CLASP1: variants seen among roughly 807,000 people sequenced by gnomAD.
The protein encoded by CLASP1 is cytoplasmic linker associated protein 1.
In CLASP1, 38 loss-of-function variants were observed where a neutral mutation model predicts 192.3. That is an observed-to-expected ratio of 0.20 (90% CI 0.15 to 0.26). The LOEUF is 0.26. Among genes scored for constraint, CLASP1 ranks in the 10% least tolerant of loss-of-function variants. The pLI is 1.00. For missense variants in CLASP1, 1,433 were observed against 1,932.5 expected, an observed-to-expected ratio of 0.74 and a Z score of 4.85; for synonymous variants, 691 against 712.8, an observed-to-expected ratio of 0.97 and a Z score of 0.49.
At chr2:121,349,933 T>C (rs1165751569) in intron 37 of CLASP1, among the ~76,000 whole-genome samples, 5 of 152,188 alleles carry the variant, frequency 3.3e-5, no homozygotes, top group East Asian at 1.9e-4. Context: ...TAAAACTCCA[T>C]GTCCTCATCT....
chr2:121,468,923 G>C (rs747894629), intron 9 of CLASP1, among the ~76,000 whole-genome samples: 6 of 152,110 alleles, frequency 3.9e-5, no homozygotes, highest in Non-Finnish European at 8.8e-5. Flanking sequence ...TGAAGGAAAA[G>C]GGGTACTCCG....
intron 1 of CLASP1, among the ~76,000 whole-genome samples, chr2:121,643,075 C>T (rs1001677427): frequency 2.0e-5 from 3 of 151,794 alleles, no homozygotes; most frequent in African/African-American, 7.3e-5. Flanking sequence ...ACACTGACCT[C>T]AGCTATCCTG....
chr2:121,389,346 A>T (rs2073927620), intron 30 of CLASP1, among the ~76,000 whole-genome samples: 1 of 152,028 alleles, frequency 6.6e-6, no homozygotes, highest in South Asian at 2.1e-4. Flanking sequence ...GAAACATTTT[A>T]AACAAATTAT....
At chr2:121,518,388 G>A (rs1274072584) in intron 6 of CLASP1, among the ~76,000 whole-genome samples, 2 of 151,994 alleles carry the variant, frequency 1.3e-5, no homozygotes, top group Non-Finnish European at 2.9e-5. Flanking sequence ...TGAGATGGCA[G>A]CCATCTACAA....
intron 19 of CLASP1, among the ~76,000 whole-genome samples, chr2:121,442,017 T>C (rs2083429288): frequency 6.6e-6 from 1 of 152,216 alleles, no homozygotes; most frequent in African/African-American, 2.4e-5. Context: ...GGCTTTTGAC[T>C]ACATCTTAAT....
At chr2:121,389,484 GA>G (rs10640938) in intron 30 of CLASP1, among the ~76,000 whole-genome samples, 40 of 139,696 alleles carry the variant, frequency 2.9e-4, no homozygotes, top group Non-Finnish European at 2.5e-4. Flanking sequence ...TTAGGTGTTA[GA>G]AAAAAAAAAA....
Position 121,555,988 on chromosome 2 carries a change from C to CTTTTTTTT in CLASP1, c.196-25671_196-25664dup, listed in dbSNP as rs34423741. Among the ~76,000 whole-genome samples the CTTTTTTTT allele has an allele frequency of 1.3e-3, 56 of 42,400 alleles. 10 individuals carry two copies. Among genetic ancestry groups the CTTTTTTTT allele is most frequent in the African/African-American group, 5.4e-3 (49 of 9,092 alleles). The allele number at this position is 42,400 out of a possible 152,430, so 27.8% of individuals were successfully genotyped here. ...CACGGCGCCTGCCCCCTACCCACCG[C>CTTTTTTTT]TTTTTTTTTTTTTTTTTTTTTTTTT... On this transcript the variant is annotated intron_variant, in intron 2 of 39. Transcript: ENST00000263710.
At chr2:121,609,770 G>T (rs2064959595) in intron 1 of CLASP1, among the ~76,000 whole-genome samples, 1 of 151,976 alleles carries the variant, frequency 6.6e-6, no homozygotes, top group Non-Finnish European at 1.5e-5. Flanking sequence ...GTGAAACCCT[G>T]TCTCTACTAA....
In CLASP1 at chr2:121,530,865, G is replaced by A. The variant is rs185470445; in HGVS notation, c.196-540C>T. ...ATTGGCGCTTCCTGCTTGCAGCCCA[G>A]GGACTTTCTATTATAACCATCCTTT... On this transcript the variant is annotated intron_variant, in intron 2 of 39. Coordinates refer to ENST00000263710, the Ensembl canonical transcript of CLASP1. The A allele has an allele frequency of 3.6e-4, 246 of 678,640 alleles. 1 individual carries two copies. The highest frequency in any genetic ancestry group is 2.7e-3 in the African/African-American group (152 of 56,730). 42.0% of individuals were successfully genotyped at this position (678,640 alleles called of 1,614,324 possible).
intron 5 of CLASP1, among the ~76,000 whole-genome samples, chr2:121,526,728 T>C (rs1024180015): frequency 6.6e-6 from 1 of 152,320 alleles, no homozygotes; most frequent in South Asian, 2.1e-4. Flanking sequence ...GCACCAAATT[T>C]AACAGTGATT....
intron 39 of CLASP1, among the ~76,000 whole-genome samples, chr2:121,341,422 A>C (rs2062774899): frequency 6.6e-6 from 1 of 152,244 alleles, no homozygotes; most frequent in African/African-American, 2.4e-5. Flanking sequence ...CTGGGACTAC[A>C]GGCATGTGAC....
chr2:121,447,684 C>T (rs1474632736), intron 18 of CLASP1, among the ~76,000 whole-genome samples, 177 bp from the exon 19 acceptor site: 2 of 152,116 alleles, frequency 1.3e-5, no homozygotes, highest in Non-Finnish European at 2.9e-5. Context: ...CAGGCAATGC[C>T]GAAGGAAACT....
chr2:121,551,451 CCA>C (rs767019425), intron 2 of CLASP1, among the ~76,000 whole-genome samples: 80 of 152,088 alleles, frequency 5.3e-4, no homozygotes, highest in Admixed American at 2.0e-3. Context: ...CTAGAAAACC[CCA>C]CAGTCTCGGC....
intron 7 of CLASP1, among the ~76,000 whole-genome samples, chr2:121,508,411 A>T (rs2094008947): frequency 6.6e-6 from 1 of 152,242 alleles, no homozygotes; most frequent in Non-Finnish European, 1.5e-5. Context: ...GAAAATATCT[A>T]TTTAACACAA....
intron 19 of CLASP1, among the ~76,000 whole-genome samples, chr2:121,433,607 T>A (rs2081839719): frequency 6.6e-6 from 1 of 151,922 alleles, no homozygotes. Flanking sequence ...ATACAAAAAA[T>A]TAGTTGGGCA....
At chr2:121,579,380 C>G (rs1239864317) in intron 2 of CLASP1, among the ~76,000 whole-genome samples, 1 of 152,158 alleles carries the variant, frequency 6.6e-6, no homozygotes, top group African/African-American at 2.4e-5. Context: ...TGTACAACTC[C>G]GTAATTTACA....
At chr2:121,509,878 T>G (rs1237343858) in intron 7 of CLASP1, among the ~76,000 whole-genome samples, 2 of 152,040 alleles carry the variant, frequency 1.3e-5, no homozygotes, top group Non-Finnish European at 2.9e-5. Context: ...TTCAAATGAC[T>G]GAAACCATAC....
rs200721929 is a variant in CLASP1, at chr2:121,635,217, AAAAAGAAAAG to A, written c.-286+14145_-286+14154del. 5.7e-3 allele frequency among the ~76,000 whole-genome samples: 858 copies of A among 150,496 alleles called. 7 individuals carry two copies. Among genetic ancestry groups the A allele is most frequent in the African/African-American group, 0.019 (785 of 40,390 alleles). On this transcript the variant is annotated intron_variant, in intron 1 of 39. Transcript: ENST00000263710. ...AAGCGAGATTGCGTCTGTAAAAAAA[AAAAAGAAAAG>A]AAAAGAAAAGAAAAGAAAGAAAATG...
chr2:121,430,550 T>C (rs376460831), intron 19 of CLASP1, among the ~76,000 whole-genome samples: 1 of 152,180 alleles, frequency 6.6e-6, no homozygotes, highest in African/African-American at 2.4e-5. Context: ...TCTACAAATC[T>C]GACAAATTTC....
Sources: allele counts gnomAD v4.1 joint callset (sites outside exome capture counted in the v4.1 genomes callset), GRCh38; gene constraint gnomAD v4.1.1; transcripts MANE v1.5; gene names NCBI Gene and HGNC (gene_info 2026-07-23, HGNC 2026-07-21).